The following CCDC7 variants were observed in gnomAD, a reference collection of about 807,000 sequenced individuals.
CCDC7 encodes the protein coiled-coil domain-containing protein 7.
Under a neutral mutation model 196.9 loss-of-function variants are expected in CCDC7, and 183 were observed. That is an observed-to-expected ratio of 0.93 (90% CI 0.82 to 1.05). CCDC7 has a LOEUF of 1.05. Ranked by LOEUF, CCDC7 falls within the 50% of genes least tolerant of loss-of-function variation. The pLI, the probability that CCDC7 is intolerant of heterozygous loss-of-function variation, is 0.00. For missense variants in CCDC7, 1,540 were observed against 1,482.2 expected (o/e 1.04, Z -0.64); for synonymous variants, 525 against 484.6 (o/e 1.08, Z -1.10).
intron 28 of CCDC7, among the ~76,000 whole-genome samples, chr10:32,765,539 G>A (rs192652388): frequency 2.6e-5 from 4 of 152,094 alleles, no homozygotes; most frequent in Admixed American, 2.6e-4. Context: ...GACCATTATG[G>A]TAGAAGAGGC....
At chr10:32,540,995 T>C (rs2051315503) in intron 11 of CCDC7, among the ~76,000 whole-genome samples, 2 of 152,164 alleles carry the variant, frequency 1.3e-5, no homozygotes, top group African/African-American at 4.8e-5. Context: ...TCCCCGCCTC[T>C]TTCAGGAACC....
chr10:32,758,154 C>A (rs1414638238), intron 28 of CCDC7, among the ~76,000 whole-genome samples: 1 of 152,090 alleles, frequency 6.6e-6, no homozygotes, highest in South Asian at 2.1e-4. Context: ...GATTCACAAC[C>A]GAATTCTACC....
At chr10:32,791,921 A>G (rs948582519) in intron 29 of CCDC7, among the ~76,000 whole-genome samples, 1 of 152,236 alleles carries the variant, frequency 6.6e-6, no homozygotes, top group Non-Finnish European at 1.5e-5. Context: ...TTCAAGGCAC[A>G]TTATAATCAA....
At chr10:32,595,230 G>C (rs2060203598) in intron 18 of CCDC7, among the ~76,000 whole-genome samples, 1 of 152,162 alleles carries the variant, frequency 6.6e-6, no homozygotes, top group African/African-American at 2.4e-5. Context: ...TTCAGAGCCT[G>C]TTATTGGTCT....
chr10:32,822,000 G>GA (rs35583848), intron 31 of CCDC7, among the ~76,000 whole-genome samples: 12,713 of 149,010 alleles, frequency 0.085, 833 homozygotes, highest in South Asian at 0.24. Context: ...TAAAAGTGCT[G>GA]AAAAAAAAAA....
rs192876400 is a variant in CCDC7 at position 32,691,599 on chromosome 10, T to A, written c.2344+2436T>A. Among the ~76,000 whole-genome samples the A allele has an allele frequency of 4.6e-5, 7 of 152,334 alleles. No homozygotes were observed. The East Asian group carries it at 1.4e-3, about 29-fold the overall frequency. On this transcript the variant is annotated intron_variant, in intron 23 of 41. Transcript: ENST00000639629. ...GCTAGTAAAGGCTATGAAATGAAAC[T>A]AGACATCTAAATCTGGTTAAATCTT...
chr10:32,628,452 A>C (rs1239796481), intron 18 of CCDC7, among the ~76,000 whole-genome samples: 1 of 151,942 alleles, frequency 6.6e-6, no homozygotes, highest in Non-Finnish European at 1.5e-5. Flanking sequence ...TCAAAGAATC[A>C]AGTCTTAGTT....
At chr10:32,770,196 A>G (rs1335009134) in intron 28 of CCDC7, among the ~76,000 whole-genome samples, 2 of 152,142 alleles carry the variant, frequency 1.3e-5, no homozygotes, top group East Asian at 3.9e-4. Flanking sequence ...TAGATCCTTC[A>G]GGAGCAACGT....
At chr10:32,483,243 T>C (rs1412611910) in intron 8 of CCDC7, among the ~76,000 whole-genome samples, 1 of 152,252 alleles carries the variant, frequency 6.6e-6, no homozygotes, top group African/African-American at 2.4e-5. Context: ...ATTTCTCTGA[T>C]GGCCAGTGAT....
At chr10:32,853,219 A>G (rs2093629303) in intron 40 of CCDC7, among the ~76,000 whole-genome samples, 1 of 152,152 alleles carries the variant, frequency 6.6e-6, no homozygotes, top group Admixed American at 6.5e-5. Flanking sequence ...AGCAGTAATA[A>G]TAATGCTTAA....
chr10:32,726,644 G>C (rs1244206091), intron 25 of CCDC7, 90 bp from the exon 27 acceptor site: 13 of 685,506 alleles, frequency 1.9e-5, no homozygotes, highest in Non-Finnish European at 3.2e-5. Flanking sequence ...CTATATACTT[G>C]TTATAAACTT....
intron 32 of CCDC7, among the ~76,000 whole-genome samples, chr10:32,826,856 A>G (rs1293016719): frequency 1.3e-5 from 2 of 152,230 alleles, no homozygotes; most frequent in East Asian, 1.9e-4. Context: ...TGCACTCTTC[A>G]TGGAAGGAGA....
intron 11 of CCDC7, among the ~76,000 whole-genome samples, chr10:32,541,469 G>A (rs376605185): frequency 7.2e-5 from 11 of 152,252 alleles, no homozygotes; most frequent in African/African-American, 2.4e-4. Flanking sequence ...CACAAGAGCA[G>A]GACTGCTGGG....
chr10:32,669,370 G>T (rs1373896372), intron 21 of CCDC7, among the ~76,000 whole-genome samples: 1 of 152,050 alleles, frequency 6.6e-6, no homozygotes, highest in Non-Finnish European at 1.5e-5. Context: ...TCCTTGTCTG[G>T]CTTTGGTATC....
At chr10:32,515,509 C>T (rs2046873192) in intron 9 of CCDC7, among the ~76,000 whole-genome samples, 3 of 152,080 alleles carry the variant, frequency 2.0e-5, no homozygotes, top group Admixed American at 2.0e-4. Flanking sequence ...AGCTGGTTAT[C>T]CCCATGCAAA....
chr10:32,668,103 T>A (rs1242909319), intron 21 of CCDC7, among the ~76,000 whole-genome samples: 1 of 152,156 alleles, frequency 6.6e-6, no homozygotes, highest in Non-Finnish European at 1.5e-5. Context: ...TAAGTTGGAT[T>A]CCCAGGTGTT....
rs190479634 is a variant in CCDC7 at position 32,499,434 on chromosome 10, T to C, written c.872+7437T>C. 2.0e-5 allele frequency: 3 copies of C among 152,330 alleles called. No individual in the cohort carries two copies. In the East Asian group the frequency reaches 5.8e-4, roughly 29 times the overall value. The allele number at this position is 152,330 out of a possible 1,614,324, so 9.4% of individuals were successfully genotyped here. On this transcript the variant is annotated intron_variant, in intron 9 of 41. Transcript: ENST00000639629. ...CCAGAATTATCTTCTGCTCTTCTGCTAATAAATCTCCTATCATTGTTTGGT... is the reference window on the plus strand; with the variant it reads ...CCAGAATTATCTTCTGCTCTTCTGCCAATAAATCTCCTATCATTGTTTGGT...
intron 15 of CCDC7, 87 bp downstream of exon 16, chr10:32,567,978 A>T: frequency 4.9e-6 from 6 of 1,215,374 alleles, no homozygotes; most frequent in South Asian, 2.1e-5. Flanking sequence ...TGTATATGTT[A>T]TTTAAAAATT....
intron 29 of CCDC7, among the ~76,000 whole-genome samples, chr10:32,788,790 A>G (rs1401834593): frequency 2.6e-5 from 4 of 152,246 alleles, no homozygotes; most frequent in Non-Finnish European, 5.9e-5. Flanking sequence ...ACATCAGACC[A>G]GTTCCCACAA....
Sources: allele counts gnomAD v4.1 joint callset (sites outside exome capture counted in the v4.1 genomes callset), GRCh38; gene constraint gnomAD v4.1.1; transcripts MANE v1.5; gene names NCBI Gene and HGNC (gene_info 2026-07-23, HGNC 2026-07-21).